The following CTPS2 variants were observed in gnomAD, a reference collection of about 807,000 sequenced individuals.
CTPS2 encodes the protein CTP synthase II.
In CTPS2, 19 loss-of-function variants were observed where a neutral mutation model predicts 46.8. That is an observed-to-expected ratio of 0.41 (90% confidence interval 0.28 to 0.60). CTPS2 has a LOEUF of 0.60. CTPS2 is among the 20% of genes least tolerant of loss of function. The probability of loss-of-function intolerance (pLI) is 0.35; values close to 1 mark genes in which losing one functional copy is unlikely to be tolerated. For synonymous variants in CTPS2, 151 were observed against 165.2 expected (o/e 0.91, Z 0.66); for missense variants, 286 against 447.6 (o/e 0.64, Z 3.26).
chrX:16,590,268 C>T (rs1336388485), intron 18 of CTPS2, among the ~76,000 whole-genome samples: 8 of 111,389 alleles, frequency 7.2e-5, no homozygotes, highest in Non-Finnish European at 1.5e-4. Context: ...AGGAAATCTG[C>T]TCTTCTATGA....
Position 16,590,852 on chromosome X carries a change from T to G in CTPS2, c.1702A>C (p.Ser568Arg). The part of the protein sequence containing the change: ...GCKLSSSDRY[S>R]DASDDSFSEP... ...GAAAAGCTGTCATCACTGGCATCAC[T>G]GTATCTATCACTAGATTAAAAGAGG... The change falls in exon 18 of 19, where the codon AGT (serine) becomes CGT (arginine). Residue 568 changes from serine (S) to arginine (R), a missense_variant. By Grantham distance (110) the Ser-to-Arg change is moderately radical. Transcript: ENST00000359276. The G allele has an allele frequency of 8.4e-7, 1 of 1,191,079 alleles. No individual in the cohort carries two copies. Among genetic ancestry groups the G allele is most frequent in the Non-Finnish European group, 1.1e-6 (1 of 878,443 alleles).
intron 14 of CTPS2, among the ~76,000 whole-genome samples, chrX:16,621,578 C>T (rs1349760189): frequency 9.1e-6 from 1 of 110,098 alleles, no homozygotes; most frequent in Non-Finnish European, 1.9e-5. Context: ...ACTCTTCCTA[C>T]AGCACTAGCC....
At chrX:16,644,474 T>A (rs1256520903) in intron 13 of CTPS2, among the ~76,000 whole-genome samples, 1 of 111,169 alleles carries the variant, frequency 9.0e-6, no homozygotes, top group Admixed American at 9.6e-5. Flanking sequence ...AGATTCTGGA[T>A]TATCAGGGTG....
At chrX:16,641,849 G>A (rs1030655663) in intron 13 of CTPS2, among the ~76,000 whole-genome samples, 5 of 112,241 alleles carry the variant, frequency 4.5e-5, no homozygotes, top group African/African-American at 1.6e-4. Flanking sequence ...TCAAGTGTAG[G>A]GGTGGGAGGT....
At position 16,651,884 on chromosome X, in the gene CTPS2, A is replaced by G. The variant is rs758649143; in HGVS notation, c.1297-12641T>C. Among the ~76,000 whole-genome samples the G allele has an allele frequency of 1.6e-3, 174 of 111,262 alleles. 1 individual carries two copies. The highest frequency in any genetic ancestry group is 5.5e-3 in the African/African-American group (168 of 30,568). ...AGCTGAGTCAGGACACTTGCCAAGGATGGTAAGGCAACTTACTCCAGGAGG... is the reference window on the plus strand; with the variant it reads ...AGCTGAGTCAGGACACTTGCCAAGGGTGGTAAGGCAACTTACTCCAGGAGG... On this transcript the variant is annotated intron_variant, in intron 13 of 18. Coordinates refer to ENST00000359276, the MANE Select transcript of CTPS2 (RefSeq NM_175859.3).
intron 17 of CTPS2, among the ~76,000 whole-genome samples, chrX:16,602,242 C>G (rs1929709603): frequency 9.0e-6 from 1 of 111,526 alleles, no homozygotes; most frequent in Non-Finnish European, 1.9e-5. Context: ...ACTGCTGGGA[C>G]TGTGCGCTTG....
At chrX:16,607,232 T>C (rs1432622555) in intron 17 of CTPS2, among the ~76,000 whole-genome samples, 1 of 113,089 alleles carries the variant, frequency 8.8e-6, no homozygotes, top group Non-Finnish European at 1.9e-5. Flanking sequence ...ATCACCTTCC[T>C]TTCAGTGTGA....
At chrX:16,608,891 T>A (rs972348040) in intron 17 of CTPS2, among the ~76,000 whole-genome samples, 1 of 111,353 alleles carries the variant, frequency 9.0e-6, no homozygotes, top group Non-Finnish European at 1.9e-5. Flanking sequence ...AGATTTAAAC[T>A]ATGAAATTGA....
chrX:16,647,764 T>G (rs990290801), intron 13 of CTPS2, among the ~76,000 whole-genome samples: 1 of 111,435 alleles, frequency 9.0e-6, no homozygotes, highest in African/African-American at 3.3e-5. Flanking sequence ...AGATGACATA[T>G]AGTTATTAAA....
At chrX:16,594,639 C>T (rs1929132148) in intron 17 of CTPS2, among the ~76,000 whole-genome samples, 2 of 111,846 alleles carry the variant, frequency 1.8e-5, no homozygotes, top group African/African-American at 3.2e-5. Flanking sequence ...CTTGGGCGGG[C>T]CTGTTTCTAA....
intron 17 of CTPS2, among the ~76,000 whole-genome samples, chrX:16,594,706 T>A (rs184233957): frequency 8.9e-6 from 1 of 112,032 alleles, no homozygotes; most frequent in East Asian, 2.8e-4. Context: ...TGCCAACACA[T>A]CCAAATGGCA....
chrX:16,655,956 C>T (rs1158964721), intron 13 of CTPS2, among the ~76,000 whole-genome samples: 2 of 110,588 alleles, frequency 1.8e-5, no homozygotes, highest in Admixed American at 9.6e-5. Flanking sequence ...CCCCCACATC[C>T]AGCTAATTTT....
chrX:16,631,510 C>A (rs747750399), intron 14 of CTPS2, among the ~76,000 whole-genome samples: 14 of 111,669 alleles, frequency 1.3e-4, no homozygotes, highest in South Asian at 1.1e-3. Context: ...CACAGTGAAA[C>A]CCTGTCTCTA....
chrX:16,625,287 A>G (rs1447608955), intron 14 of CTPS2, among the ~76,000 whole-genome samples: 1 of 112,748 alleles, frequency 8.9e-6, no homozygotes, highest in Non-Finnish European at 1.9e-5. Context: ...TAAGCCACTC[A>G]TAAAAGGACA....
chrX:16,709,358 G>A (rs774670585), intron 1 of CTPS2, among the ~76,000 whole-genome samples: 115 of 108,509 alleles, frequency 1.1e-3, no homozygotes, highest in Middle Eastern at 4.7e-3. Context: ...AACCTGGGAG[G>A]TGGAGGTTGC....
At chrX:16,591,826 C>T (rs1218226104) in intron 17 of CTPS2, among the ~76,000 whole-genome samples, 1 of 110,831 alleles carries the variant, frequency 9.0e-6, no homozygotes, top group Non-Finnish European at 1.9e-5. Context: ...CCAGAGGAAA[C>T]GAGTATCCTT....
intron 14 of CTPS2, among the ~76,000 whole-genome samples, chrX:16,630,251 ATTTTTTT>A (rs148128965): frequency 1.3e-5 from 1 of 77,271 alleles, no homozygotes; most frequent in Non-Finnish European, 2.5e-5. Context: ...GTTGTGTTGT[ATTTTTTT>A]TTTTTTTTTT....
intron 14 of CTPS2, among the ~76,000 whole-genome samples, chrX:16,634,136 T>A (rs1931621243): frequency 9.0e-6 from 1 of 111,522 alleles, no homozygotes; most frequent in Non-Finnish European, 1.9e-5. Context: ...AAAGACTACA[T>A]AAAAACTAAT....
intron 1 of CTPS2, among the ~76,000 whole-genome samples, chrX:16,704,627 G>C (rs1312554814): frequency 9.0e-6 from 1 of 111,483 alleles, no homozygotes; most frequent in Non-Finnish European, 1.9e-5. Context: ...ATGGACAACA[G>C]GAAGAGCGAA....
Sources: gnomAD v4.1 joint callset for allele counts (sites outside exome capture counted in the v4.1 genomes callset) on GRCh38, gnomAD v4.1.1 for gene constraint, MANE v1.5 for transcripts, NCBI Gene and HGNC (gene_info 2026-07-23, HGNC 2026-07-21) for gene names.